The following FES variants were observed in gnomAD, a reference collection of about 807,000 sequenced individuals.
The protein encoded by FES is tyrosine-protein kinase Fes/Fps.
In FES, 83 loss-of-function variants were observed where a neutral mutation model predicts 109.6. The ratio of observed to expected loss-of-function variants is 0.76; its 90% confidence interval spans 0.63 to 0.91. The LOEUF (loss-of-function observed/expected upper bound fraction) is 0.91. Among genes scored for constraint, FES ranks in the 40% least tolerant of loss-of-function variants. The probability of loss-of-function intolerance (pLI) is 0.00; values close to 1 mark genes in which losing one functional copy is unlikely to be tolerated. For synonymous variants in FES, 458 were observed against 442.1 expected (o/e 1.04, Z -0.45); for missense variants, 943 against 1,070.9 (o/e 0.88, Z 1.67).
In FES at chr15:90,889,682, A is replaced by T. The variant is rs1349708988; in HGVS notation, c.926+46A>T. ...TGGGCTGCGGCGGGGCTCCCAGCAG[A>T]CCACGAGTGTTTATGTAGGCAGGGC... is the stretch of plus-strand genomic sequence containing the variant. On this transcript the variant is annotated intron_variant, in intron 7 of 18. Coordinates refer to ENST00000328850, the MANE Select transcript of FES (RefSeq NM_002005.4). This position sits in a 1 kb window ranked among gnomAD's most constrained non-coding sequence, Gnocchi z 6.1. 6.2e-7 allele frequency: 1 copy of T among 1,609,318 alleles called. No individual in the cohort carries two copies. The highest frequency in any genetic ancestry group is 2.2e-5 in the East Asian group (1 of 44,824).
At chr15:90,887,122 C>G in intron 4 of FES, 65 bp downstream of exon 4, 1 of 1,612,552 alleles carries the variant, frequency 6.2e-7, no homozygotes, top group Non-Finnish European at 8.5e-7. Flanking sequence ...CCTTGGGTAC[C>G]CAGAGAGTGG....
At chr15:90,895,354 G>C (rs2033614685) in intron 18 of FES, 62 bp from the exon 19 acceptor site, 2 of 1,404,156 alleles carry the variant, frequency 1.4e-6, no homozygotes, top group South Asian at 1.6e-5. Context: ...GTATCCCCCA[G>C]AGTCTGCCGA....
rs1305208775 is a variant in FES, at chr15:90,885,104, A to G, written c.59A>G (p.Gln20Arg). The stretch of plus-strand genomic sequence containing the variant: ...GGCCACGGGGTCCTGCAGCAAATGC[A>G]GGAGGCCGAGCTTCGTCTACTGGAG... ...PQGHGVLQQM[Q>R]EAELRLLEGM... Residue 20 changes from glutamine (Q) to arginine (R), a missense_variant, in exon 2 of 19, where the codon CAG (glutamine) becomes CGG (arginine). Gln to Arg is a conservative substitution (Grantham distance 43). Coordinates refer to ENST00000328850, the MANE Select transcript of FES (RefSeq NM_002005.4). The G allele has an allele frequency of 6.2e-7, 1 of 1,613,832 alleles. No individual in the cohort carries two copies. The highest frequency in any genetic ancestry group is 8.5e-7 in the Non-Finnish European group (1 of 1,180,022).
intron 12 of FES, 23 bp downstream of exon 12, chr15:90,891,699 C>T (rs1596109506): frequency 1.9e-6 from 3 of 1,612,504 alleles, no homozygotes; most frequent in Non-Finnish European, 2.5e-6. Flanking sequence ...CCAGCCTGGC[C>T]CATGCCACCT....
Position 90,889,615 on chromosome 15 carries a change from C to T in FES, c.905C>T (p.Thr302Ile), listed in dbSNP as rs1567096577. The stretch of plus-strand genomic sequence containing the variant: ...GGGGAGCTCCAGCTGAACGAGCTGA[C>T]TGTGGAGAGCGTGCAGCACACGTGG... The part of the protein sequence containing the change: ...EPGELQLNEL[T>I]VESVQHTLTS... The change falls in exon 7 of 19, where the codon ACT becomes ATT. Residue 302 changes from threonine to isoleucine, a missense_variant. Transcript: ENST00000328850. The surrounding 1 kb of genome is among the most constrained non-coding windows in gnomAD (Gnocchi z 6.1). The T allele has an allele frequency of 6.2e-7, 1 of 1,613,462 alleles. No homozygotes were observed. Among genetic ancestry groups the T allele is most frequent in the Non-Finnish European group, 8.5e-7 (1 of 1,179,998 alleles).
rs77665645 is a variant in FES, at chr15:90,889,253, C to T, written c.669-53C>T. 3.1e-3 allele frequency: 5,017 copies of T among 1,603,090 alleles called. 139 individuals are homozygous for T. In the African/African-American group the frequency reaches 0.055, roughly 18 times the overall value. On this transcript the variant is annotated intron_variant, in intron 5 of 18. Transcript: ENST00000328850. This position sits in a 1 kb window ranked among gnomAD's most constrained non-coding sequence, Gnocchi z 6.1. The stretch of plus-strand genomic sequence containing the variant: ...CCCAGGGTCCTAGGCCTGAACTGCC[C>T]AGCCTTGCCCAGCCTGAGGCTCCCC...
rs753965684 is a variant in FES at position 90,890,965 on chromosome 15, G to A, written c.1321-17G>A. On this transcript the variant is annotated splice_polypyrimidine_tract_variant and intron_variant, in intron 10 of 18. Transcript: ENST00000328850. Reference sequence around the variant, plus strand: ...CAAGGTGGTTAAGTGACTCCTCCTCGATCCTCCCTTGCCCAGCTCCCTCCA... The same window carrying A: ...CAAGGTGGTTAAGTGACTCCTCCTCAATCCTCCCTTGCCCAGCTCCCTCCA... 3 of 1,564,904 alleles carry A rather than the reference G, an allele frequency of 1.9e-6. No homozygotes were observed. The highest frequency in any genetic ancestry group is 4.7e-5 in the East Asian group (2 of 42,774).
At chr15:90,885,349 G>T in intron 2 of FES, 63 bp from the exon 3 acceptor site, 1 of 1,596,402 alleles carries the variant, frequency 6.3e-7, no homozygotes, top group South Asian at 1.1e-5. Flanking sequence ...CTGGAGATCT[G>T]GCAGGCCAAT....
chr15:90,889,175 T>C lies in FES; in HGVS notation c.669-131T>C, dbSNP rs569507936. 34 of 1,181,032 alleles carry C rather than the reference T, an allele frequency of 2.9e-5. No individual in the cohort carries two copies. The African/African-American group carries it at 4.4e-4, about 15-fold the overall frequency. The allele number at this position is 1,181,032 out of a possible 1,614,324, so 73.2% of individuals were successfully genotyped here. A position where few individuals can be genotyped will look rare whatever the true frequency, so the allele number is the denominator to read the frequency against. ...GAGAGGTTAAATAATTTGCCTAGAG[T>C]GGCATGGCTAGCTCGAAGTGAGGCA... On this transcript the variant is annotated intron_variant, in intron 5 of 18. Transcript: ENST00000328850. This position sits in a 1 kb window ranked among gnomAD's most constrained non-coding sequence, Gnocchi z 6.1.
chr15:90,893,736 G>T lies in FES; in HGVS notation c.2128G>T (p.Asp710Tyr). 1 of 1,612,012 alleles carries T rather than the reference G, an allele frequency of 6.2e-7. No individual in the cohort carries two copies. Among genetic ancestry groups the T allele is most frequent in the Non-Finnish European group, 8.5e-7 (1 of 1,179,264 alleles). ...CTTTGGGATGTCCCGAGAGGAAGCC[G>T]ATGGGGTCTATGCAGCCTCAGGGGG... ...SDFGMSREEA[D>Y]GVYAASGGLR... The change falls in exon 17 of 19, where the codon GAT (aspartate) becomes TAT (tyrosine). Residue 710 changes from aspartate (D) to tyrosine (Y), a missense_variant. Physicochemically the swap from Asp to Tyr is radical, Grantham distance 160 (BLOSUM62 -3). Transcript: ENST00000328850.
intron 3 of FES, among the ~76,000 whole-genome samples, chr15:90,886,536 G>A (rs1348345644): frequency 6.6e-6 from 1 of 152,194 alleles, no homozygotes; most frequent in African/African-American, 2.4e-5. Flanking sequence ...TATTCCTACT[G>A]CCAAGAACAT....
chr15:90,888,753 T>TTTAC, intron 5 of FES, among the ~76,000 whole-genome samples: 1 of 71,858 alleles, frequency 1.4e-5, no homozygotes, highest in South Asian at 3.4e-4. Context: ...AGTTCATTTA[T>TTTAC]TTATTTATTT....
At chr15:90,894,796 G>A (rs1428537759) in intron 18 of FES, among the ~76,000 whole-genome samples, 1 of 151,908 alleles carries the variant, frequency 6.6e-6, no homozygotes, top group East Asian at 1.9e-4. Flanking sequence ...CCTGGGCGCA[G>A]TGGCTCACGC....
Position 90,893,820 on chromosome 15 carries a change from T to A in FES, c.2203+9T>A, listed in dbSNP as rs758937771. 23 of 1,592,784 alleles carry A rather than the reference T, an allele frequency of 1.4e-5. No homozygotes were observed. The highest frequency in any genetic ancestry group is 2.0e-5 in the Non-Finnish European group (23 of 1,168,264). On this transcript the variant is annotated intron_variant, in intron 17 of 18. Coordinates refer to ENST00000328850, the MANE Select transcript of FES (RefSeq NM_002005.4). ...TGAGGCCCTTAACTACGGTACCTAG[T>A]CCCTGTCTACCCTGGACTCCATGGC...
At chr15:90,894,207 T>C (rs1303035204) in intron 18 of FES, 149 bp downstream of exon 18, 3 of 937,066 alleles carry the variant, frequency 3.2e-6, no homozygotes, top group Non-Finnish European at 4.8e-6. Context: ...CCCAGCACTT[T>C]GGGAGGCTGA....
In FES at chr15:90,890,077, C is replaced by A; in HGVS notation, c.1050-15C>A. On this transcript the variant is annotated splice_polypyrimidine_tract_variant and intron_variant, in intron 8 of 18. Coordinates refer to ENST00000328850, the MANE Select transcript of FES (RefSeq NM_002005.4). ...CCTTATTCTCATCCACCCTCCCACC[C>A]GCCCCTGCCTGCAGGGTGCAGCTGC... is the stretch of plus-strand genomic sequence containing the variant. 1 of 1,539,356 alleles carries A rather than the reference C, an allele frequency of 6.5e-7. No individual in the cohort carries two copies. Among genetic ancestry groups the A allele is most frequent in the South Asian group, 1.2e-5 (1 of 85,068 alleles).
chr15:90,886,355 C>T (rs1301908118), intron 3 of FES, among the ~76,000 whole-genome samples: 1 of 152,230 alleles, frequency 6.6e-6, no homozygotes, highest in Non-Finnish European at 1.5e-5. Context: ...GCTCTATGGC[C>T]TACAAGCGTA....
chr15:90,891,023 C>T lies in FES; in HGVS notation c.1362C>T (p.Pro454=), dbSNP rs1203891465. 1 of 1,597,562 alleles carries T rather than the reference C, an allele frequency of 6.3e-7. No homozygotes were observed. Among genetic ancestry groups the T allele is most frequent in the East Asian group, 2.3e-5 (1 of 44,422 alleles). ...AGCTCATTCCGGAGGTGCAGAAGCC[C>T]CTGCATGAGCAGCTGTGGTACCACG... The part of the protein sequence containing the change: ...PLQLIPEVQK[P]LHEQLWYHGA... The change falls in exon 11 of 19, where the codon CCC becomes CCT. Residue 454 remains proline (P), a synonymous_variant. Coordinates refer to ENST00000328850, the MANE Select transcript of FES (RefSeq NM_002005.4).
intron 16 of FES, 76 bp from the exon 17 acceptor site, chr15:90,893,578 T>A (rs2033438332): frequency 6.6e-7 from 1 of 1,509,906 alleles, no homozygotes; most frequent in African/African-American, 1.4e-5. Flanking sequence ...CTTTTGTCCT[T>A]GGCTTTCCTA....
Sources: gnomAD v4.1 joint callset for allele counts (sites outside exome capture counted in the v4.1 genomes callset) on GRCh38, gnomAD v4.1.1 for gene constraint, Gnocchi (gnomAD v3.1) non-coding constraint, MANE v1.5 for transcripts, NCBI Gene and HGNC (gene_info 2026-07-23, HGNC 2026-07-21) for gene names.